CLEC4C: variants seen among roughly 807,000 people sequenced by gnomAD.
CLEC4C encodes the protein C-type (calcium dependent, carbohydrate-recognition domain) lectin, superfamily member 11.
Under a neutral mutation model 27.7 loss-of-function variants are expected in CLEC4C, and 17 were observed. That is an observed-to-expected ratio of 0.61 (90% CI 0.42 to 0.92). The LOEUF (loss-of-function observed/expected upper bound fraction) is 0.92, where lower values mean the gene tolerates loss of function less well. Ranked by LOEUF, CLEC4C falls within the 40% of genes least tolerant of loss-of-function variation. The pLI, the probability that CLEC4C is intolerant of heterozygous loss-of-function variation, is 0.00. For missense variants in CLEC4C, 244 were observed against 257.3 expected (o/e 0.95, Z 0.35); for synonymous variants, 80 against 80.8 (o/e 0.99, Z 0.06).
intron 2 of CLEC4C, among the ~76,000 whole-genome samples, chr12:7,744,612 A>ATTTATT (rs1037664549): frequency 6.6e-6 from 1 of 152,028 alleles, no homozygotes; most frequent in African/African-American, 2.4e-5. Context: ...CTGTATAAAC[A>ATTTATT]TTTATTTTTA....
At position 7,746,419 on chromosome 12, in the gene CLEC4C, T is replaced by C. The variant is rs1313095703; in HGVS notation, c.36A>G (p.Lys12=). The C allele has an allele frequency of 6.2e-7, 1 of 1,609,566 alleles. No homozygotes were observed. The highest frequency in any genetic ancestry group is 8.5e-7 in the Non-Finnish European group (1 of 1,176,076). The change falls in exon 2 of 6, where the codon AAA becomes AAG. Residue 12 remains lysine, a synonymous_variant. Transcript: ENST00000360345. ...CCTTCAACTGGAACCACCAGAGTCC[T>C]TTCTCTGTCAGATCAGCATGACAAA... ...VPEEEPQDRE[K]GLWWFQLKVW... is the part of the protein sequence containing the mutation.
At chr12:7,731,014 G>GCA in intron 4 of CLEC4C, 102 bp from the exon 5 acceptor site, 1 of 593,298 alleles carries the variant, frequency 1.7e-6, no homozygotes, top group South Asian at 1.8e-5. Flanking sequence ...CTAGCCTCAT[G>GCA]CATTTCAAGG....
intron 1 of CLEC4C, 103 bp from the exon 2 acceptor site, chr12:7,746,526 C>A: frequency 2.9e-6 from 2 of 680,462 alleles, no homozygotes; most frequent in Non-Finnish European, 2.6e-6. Context: ...AGGCTATGAT[C>A]AAAACTAATT....
chr12:7,739,022 C>A (rs1468043634), intron 3 of CLEC4C, among the ~76,000 whole-genome samples: 1 of 149,232 alleles, frequency 6.7e-6, no homozygotes, highest in Non-Finnish European at 1.5e-5. Flanking sequence ...CAAGTGTTCT[C>A]ATTGTTCGAT....
In CLEC4C at chr12:7,739,841, C is replaced by T. The variant is rs942607998; in HGVS notation, c.235+1580G>A. On this transcript the variant is annotated intron_variant, in intron 3 of 5. Coordinates refer to ENST00000360345, the MANE Select transcript of CLEC4C (RefSeq NM_001371390.1). The stretch of plus-strand genomic sequence containing the variant: ...ACTATAGGCACATGCCACCATAGCT[C>T]GGTAATTTTTTTTTTTTTTTGAGAT... 3.6e-5 allele frequency among the ~76,000 whole-genome samples: 5 copies of T among 139,646 alleles called. No individual in the cohort carries two copies. In the South Asian group the frequency reaches 7.2e-4, roughly 20 times the overall value. 91.6% of individuals were successfully genotyped at this position (139,646 alleles called of 152,430 possible). A position where few individuals can be genotyped will look rare whatever the true frequency, so the allele number is the denominator to read the frequency against.
intron 3 of CLEC4C, among the ~76,000 whole-genome samples, chr12:7,740,388 G>C (rs1293914559): frequency 6.6e-6 from 1 of 152,036 alleles, no homozygotes; most frequent in Non-Finnish European, 1.5e-5. Flanking sequence ...TGGATGCAGG[G>C]GTGAAGATGA....
intron 3 of CLEC4C, 87 bp downstream of exon 3, chr12:7,741,334 A>G (rs1256584382): frequency 1.8e-5 from 14 of 774,930 alleles, no homozygotes; most frequent in South Asian, 1.2e-4. Flanking sequence ...GCTGCAGTTG[A>G]TAATTTTAGT....
chr12:7,736,966 C>T (rs1439474175), intron 4 of CLEC4C, among the ~76,000 whole-genome samples: 1 of 152,128 alleles, frequency 6.6e-6, no homozygotes, highest in Non-Finnish European at 1.5e-5. Flanking sequence ...CATGGTGGCT[C>T]ACGCCTATAA....
chr12:7,736,930 A>T (rs1442258143), intron 4 of CLEC4C, among the ~76,000 whole-genome samples: 1 of 151,904 alleles, frequency 6.6e-6, no homozygotes, highest in African/African-American at 2.4e-5. Flanking sequence ...AAATAAAAAT[A>T]AAAAATAAAG....
intron 4 of CLEC4C, among the ~76,000 whole-genome samples, chr12:7,737,104 G>T (rs1405088086): frequency 1.3e-5 from 2 of 151,728 alleles, no homozygotes; most frequent in Non-Finnish European, 2.9e-5. Flanking sequence ...GGCGGTACAT[G>T]CCTATCCTCC....
chr12:7,731,982 A>G (rs1165365695), intron 4 of CLEC4C, among the ~76,000 whole-genome samples: 1 of 152,098 alleles, frequency 6.6e-6, no homozygotes, highest in Admixed American at 6.6e-5. Flanking sequence ...CCCCTGCCCA[A>G]AAATAAAAAA....
intron 4 of CLEC4C, among the ~76,000 whole-genome samples, chr12:7,731,566 A>C (rs1864595545): frequency 6.6e-6 from 1 of 152,210 alleles, no homozygotes; most frequent in Non-Finnish European, 1.5e-5. Context: ...GAAGAAAAGA[A>C]TAAAAGGAGA....
chr12:7,736,808 C>T (rs1190727588), intron 4 of CLEC4C, among the ~76,000 whole-genome samples: 2 of 152,034 alleles, frequency 1.3e-5, no homozygotes, highest in East Asian at 3.9e-4. Flanking sequence ...ACTTGGGAGG[C>T]AGGAGAATGG....
chr12:7,742,859 G>A (rs1361165828), intron 2 of CLEC4C, among the ~76,000 whole-genome samples: 4 of 143,696 alleles, frequency 2.8e-5, no homozygotes, highest in Non-Finnish European at 4.6e-5. Context: ...ATAAATAAAC[G>A]TTATGCTCTT....
At chr12:7,739,930 G>A (rs753246624) in intron 3 of CLEC4C, among the ~76,000 whole-genome samples, 11 of 151,518 alleles carry the variant, frequency 7.3e-5, no homozygotes, top group Non-Finnish European at 1.3e-4. Context: ...CACCTCCCAG[G>A]TTCAAGTGAT....
At chr12:7,745,424 C>CTTTTTTT (rs140956970) in intron 2 of CLEC4C, among the ~76,000 whole-genome samples, 4 of 48,192 alleles carry the variant, frequency 8.3e-5, no homozygotes, top group African/African-American at 8.8e-5. Flanking sequence ...TCAGTCTATG[C>CTTTTTTT]TTTTTTTTTT....
At chr12:7,741,127 C>G (rs1864845021) in intron 3 of CLEC4C, among the ~76,000 whole-genome samples, 1 of 152,064 alleles carries the variant, frequency 6.6e-6, no homozygotes, top group Admixed American at 6.6e-5. Context: ...CGCGCCCGGA[C>G]TTTTTTTGCA....
At chr12:7,740,164 G>A (rs1416848004) in intron 3 of CLEC4C, among the ~76,000 whole-genome samples, 1 of 151,430 alleles carries the variant, frequency 6.6e-6, no homozygotes, top group Non-Finnish European at 1.5e-5. Context: ...ATTTTGTAGA[G>A]TTGAGGTCCC....
chr12:7,741,346 C>T, intron 3 of CLEC4C, 75 bp downstream of exon 3: 5 of 828,578 alleles, frequency 6.0e-6, no homozygotes, highest in Non-Finnish European at 1.0e-5. Flanking sequence ...AATTTTAGTG[C>T]TGAAGATATA....
Sources: allele counts gnomAD v4.1 joint callset (sites outside exome capture counted in the v4.1 genomes callset), GRCh38; gene constraint gnomAD v4.1.1; transcripts MANE v1.5; gene names NCBI Gene and HGNC (gene_info 2026-07-23, HGNC 2026-07-21).